Variants in DACH2 observed in about 807,000 individuals in gnomAD.
DACH2 encodes the protein dachshund family transcription factor 2.
Under a neutral mutation model 35.8 loss-of-function variants are expected in DACH2, and 17 were observed. The observed-to-expected ratio is 0.48, with a 90% CI of 0.33 to 0.71. The LOEUF is 0.71. Ranked by LOEUF, DACH2 falls within the 30% of genes least tolerant of loss-of-function variation. DACH2 has a pLI of 0.02. For missense variants in DACH2, 469 were observed against 472.7 expected (o/e 0.99, Z 0.07); for synonymous variants, 195 against 177.3 (o/e 1.10, Z -0.79).
chrX:86,705,081 T>TATATATCTCA (rs1387744387), intron 5 of DACH2, among the ~76,000 whole-genome samples: 1 of 106,409 alleles, frequency 9.4e-6, no homozygotes, highest in African/African-American at 3.5e-5. Context: ...CATATATATG[T>TATATATCTCA]GAGATATATA....
intron 4 of DACH2, among the ~76,000 whole-genome samples, chrX:86,678,451 CATTTA>C (rs2040844351): frequency 8.9e-6 from 1 of 112,019 alleles, no homozygotes; most frequent in Non-Finnish European, 1.9e-5. Context: ...TGTTTGAAAA[CATTTA>C]CAATTACTAC....
At chrX:86,728,538 A>G (rs1025236981) in intron 6 of DACH2, among the ~76,000 whole-genome samples, 2 of 112,677 alleles carry the variant, frequency 1.8e-5, no homozygotes, top group African/African-American at 6.4e-5. Context: ...ACAATGAGAC[A>G]AAGACCTCAA....
At chrX:86,653,781 C>T (rs1159020053) in intron 4 of DACH2, among the ~76,000 whole-genome samples, 2 of 106,919 alleles carry the variant, frequency 1.9e-5, no homozygotes, top group East Asian at 3.0e-4. Flanking sequence ...TTCTCCCTGC[C>T]GCAGCCTCCC....
Position 86,651,295 on chromosome X carries a change from G to A in DACH2, c.772+128G>A, listed in dbSNP as rs748527783. On this transcript the variant is annotated intron_variant, in intron 4 of 11. Coordinates refer to ENST00000373125, the MANE Select transcript of DACH2 (RefSeq NM_053281.3). ...GGTTATAAAGATACTCAAGAGGGAT[G>A]ATTAGCTCTATTGCTAACATTTGTA... 1.1e-4 allele frequency: 68 copies of A among 639,688 alleles called. No individual in the cohort carries two copies. In the African/African-American group the frequency reaches 1.4e-3, roughly 13 times the overall value. The allele number at this position is 639,688 out of a possible 1,213,427, so 52.7% of individuals were successfully genotyped here.
chrX:86,277,744 G>A (rs1273305906), intron 1 of DACH2, among the ~76,000 whole-genome samples: 1 of 111,790 alleles, frequency 8.9e-6, no homozygotes, highest in African/African-American at 3.3e-5. Context: ...ACAACCAATT[G>A]AGAGCAATCA....
intron 3 of DACH2, among the ~76,000 whole-genome samples, chrX:86,565,252 G>A (rs1238948104): frequency 1.8e-5 from 2 of 111,516 alleles, no homozygotes; most frequent in Non-Finnish European, 3.8e-5. Flanking sequence ...TGAAAATTTA[G>A]TCATTACTTT....
intron 3 of DACH2, among the ~76,000 whole-genome samples, chrX:86,526,707 A>C: frequency 9.0e-6 from 1 of 110,709 alleles, no homozygotes; most frequent in Non-Finnish European, 1.9e-5. Context: ...TGAAAGTGTC[A>C]GGTGAGAATG....
At chrX:86,292,410 TG>T (rs1569333808) in intron 1 of DACH2, among the ~76,000 whole-genome samples, 1 of 101,106 alleles carries the variant, frequency 9.9e-6, no homozygotes, top group African/African-American at 3.7e-5. Context: ...AAGGGTTTTT[TG>T]TGTCTCTATT....
intron 6 of DACH2, among the ~76,000 whole-genome samples, chrX:86,733,238 T>C (rs1001682890): frequency 9.0e-6 from 1 of 111,647 alleles, no homozygotes; most frequent in African/African-American, 3.3e-5. Flanking sequence ...TATTAAACTT[T>C]GGGCAGTGTT....
chrX:86,590,050 G>A (rs1238560914), intron 3 of DACH2, among the ~76,000 whole-genome samples: 1 of 111,623 alleles, frequency 9.0e-6, no homozygotes, highest in Admixed American at 9.6e-5. Context: ...TAAGGCTGGG[G>A]GAACAAAGAG....
At chrX:86,777,923 A>AAAG (rs1426543155) in intron 7 of DACH2, among the ~76,000 whole-genome samples, 1 of 111,487 alleles carries the variant, frequency 9.0e-6, no homozygotes, top group Admixed American at 9.6e-5. Context: ...AAAGTTTTTT[A>AAAG]AAGGGGGAAT....
chrX:86,611,982 T>A lies in DACH2; in HGVS notation c.641-39054T>A, dbSNP rs937982068. ...CTGTGTGTGTGTGTGTGTGTGTGTG[T>A]GTGGGTAGGGGGATGATAGGTGGAT... On this transcript the variant is annotated intron_variant, in intron 3 of 11. Coordinates refer to ENST00000373125, the MANE Select transcript of DACH2 (RefSeq NM_053281.3). Among the ~76,000 whole-genome samples, 6 of 109,234 alleles carry A rather than the reference T, an allele frequency of 5.5e-5. No individual in the cohort carries two copies. The Admixed American group carries it at 5.9e-4, about 11-fold the overall frequency. The allele number at this position is 109,234 out of a possible 115,157, so 94.9% of individuals were successfully genotyped here. A position where few individuals can be genotyped will look rare whatever the true frequency, so the allele number is the denominator to read the frequency against.
chrX:86,432,654 C>T lies in DACH2; in HGVS notation c.527+55792C>T, dbSNP rs752557830. ...ATTGGAGACTCAAATGATGCATCTC[C>T]TTTATAGACAGGAATTTGGTATAAG... is the stretch of plus-strand genomic sequence containing the variant. On this transcript the variant is annotated intron_variant, in intron 2 of 11. Transcript: ENST00000373125. Among the ~76,000 whole-genome samples the T allele has an allele frequency of 3.6e-5, 4 of 111,922 alleles. No individual in the cohort carries two copies. In the South Asian group the frequency reaches 1.5e-3, roughly 41 times the overall value.
chrX:86,366,143 T>C (rs754395718), intron 1 of DACH2, among the ~76,000 whole-genome samples: 1 of 111,017 alleles, frequency 9.0e-6, no homozygotes, highest in South Asian at 3.9e-4. Context: ...GAGATATCCA[T>C]TTGGTGCTTC....
intron 2 of DACH2, among the ~76,000 whole-genome samples, chrX:86,491,606 C>A (rs972588976): frequency 5.4e-5 from 6 of 111,454 alleles, no homozygotes; most frequent in Non-Finnish European, 1.1e-4. Flanking sequence ...TCCCACCCAT[C>A]ACCCTATGGA....
intron 1 of DACH2, among the ~76,000 whole-genome samples, chrX:86,284,103 C>T (rs751944118): frequency 2.7e-5 from 3 of 111,195 alleles, no homozygotes; most frequent in Non-Finnish European, 3.8e-5. Flanking sequence ...TTTCTCTTGT[C>T]TGATTGCTCT....
chrX:86,309,749 C>T (rs1416679953), intron 1 of DACH2, among the ~76,000 whole-genome samples: 1 of 112,307 alleles, frequency 8.9e-6, no homozygotes, highest in Non-Finnish European at 1.9e-5. Flanking sequence ...GACCCTCCTA[C>T]AACCAAGAAA....
chrX:86,631,059 G>T (rs1380750915), intron 3 of DACH2, among the ~76,000 whole-genome samples: 1 of 111,930 alleles, frequency 8.9e-6, no homozygotes, highest in African/African-American at 3.2e-5. Context: ...AGCTCCTCTT[G>T]AATATTTTGA....
At position 86,160,984 on chromosome X, in the gene DACH2, T is replaced by C. The variant is rs928310067; in HGVS notation, c.488+11876T>C. The C allele has an allele frequency of 3.4e-6, 3 of 883,794 alleles. No individual in the cohort carries two copies. The African/African-American group carries it at 5.9e-5, about 17-fold the overall frequency. The allele number at this position is 883,794 out of a possible 1,213,427, so 72.8% of individuals were successfully genotyped here. ...AGAGCCTCAAGCAGCGTGGTTCCAC[T>C]GGCATTGCCATCTTTACAGGTGACT... On this transcript the variant is annotated intron_variant, in intron 1 of 11. Coordinates refer to ENST00000373125, the MANE Select transcript of DACH2 (RefSeq NM_053281.3).
Sources: gnomAD v4.1 joint callset for allele counts (sites outside exome capture counted in the v4.1 genomes callset) on GRCh38, gnomAD v4.1.1 for gene constraint, MANE v1.5 for transcripts, NCBI Gene and HGNC (gene_info 2026-07-23, HGNC 2026-07-21) for gene names.